Variants in PTGR1 observed in about 807,000 individuals in gnomAD.
PTGR1 encodes 15-oxoprostaglandin 13-reductase.
Under a neutral mutation model 37.7 loss-of-function variants are expected in PTGR1, and 23 were observed. The ratio of observed to expected loss-of-function variants is 0.61; its 90% CI spans 0.44 to 0.86. The LOEUF is 0.86. Ranked by LOEUF, PTGR1 falls within the 40% of genes least tolerant of loss-of-function variation. The pLI, the probability that PTGR1 is intolerant of heterozygous loss-of-function variation, is 0.00. For missense variants in PTGR1, 351 were observed against 394.3 expected (o/e 0.89, Z 0.93); for synonymous variants, 134 against 140.0 (o/e 0.96, Z 0.30).
At position 111,585,983 on chromosome 9, in the gene PTGR1, A is replaced by G; in HGVS notation, c.377+15T>C. On this transcript the variant is annotated intron_variant, in intron 5 of 9. Coordinates refer to ENST00000407693, the MANE Select transcript of PTGR1 (RefSeq NM_001146108.2). ...TCAGACATTCAAACAAATGGAATAT[A>G]TCCATGAAACTCACCCTGGCATGCC... is the stretch of plus-strand genomic sequence containing the variant. The G allele has an allele frequency of 6.2e-7, 1 of 1,613,622 alleles. No homozygotes were observed. The highest frequency in any genetic ancestry group is 8.5e-7 in the Non-Finnish European group (1 of 1,179,624).
chr9:111,579,096 C>T (rs17320055), intron 6 of PTGR1, 145 bp from the exon 7 acceptor site: 217,681 of 712,778 alleles, frequency 0.31, 36,157 homozygotes, highest in Non-Finnish European at 0.34. Context: ...CATAATGGGC[C>T]AACAGATCCC....
rs1437150328 is a variant in PTGR1, at chr9:111,563,058, A to C, written c.*63T>G. ...ATTTAAGGTAGTATACATTTTTGCT[A>C]AATGGTGAAAAACAAATTAACTAAT... On this transcript the variant is annotated 3_prime_UTR_variant, in exon 10 of 10. Coordinates refer to ENST00000407693, the MANE Select transcript of PTGR1 (RefSeq NM_001146108.2). 6.3e-7 allele frequency: 1 copy of C among 1,582,182 alleles called. No homozygotes were observed. The highest frequency in any genetic ancestry group is 8.6e-7 in the Non-Finnish European group (1 of 1,165,034).
intron 2 of PTGR1, among the ~76,000 whole-genome samples, chr9:111,594,973 GC>G (rs1183716129): frequency 6.7e-6 from 1 of 149,002 alleles, no homozygotes; most frequent in Non-Finnish European, 1.5e-5. Flanking sequence ...TCATGCCTCA[GC>G]CTCCTGAGTA....
chr9:111,551,371 C>A (rs548339398), intron 9 of PTGR1, among the ~76,000 whole-genome samples: 1 of 146,768 alleles, frequency 6.8e-6, no homozygotes, highest in Non-Finnish European at 1.5e-5. Flanking sequence ...ACTTAATTTT[C>A]CAATAACTGA....
chr9:111,563,181 T>C lies in PTGR1; in HGVS notation c.930A>G (p.Pro310=). Residue 310 remains proline, a synonymous_variant, in exon 10 of 10, where the codon CCA becomes CCG. Transcript: ENST00000407693. ...EYIIEGFENM[P]AAFMGMLKGD... ...CTTTCAGCATTCCCATAAATGCAGC[T>C]GGCATGTTTTCAAATCCTTCAATGA... 1 of 1,614,016 alleles carries C rather than the reference T, an allele frequency of 6.2e-7. No individual in the cohort carries two copies. The highest frequency in any genetic ancestry group is 8.5e-7 in the Non-Finnish European group (1 of 1,179,926).
At chr9:111,570,253 T>C (rs758091833) in intron 8 of PTGR1, 44 bp from the exon 9 acceptor site, 8 of 1,584,656 alleles carry the variant, frequency 5.0e-6, no homozygotes, top group Non-Finnish European at 6.9e-6. Context: ...TCCAGGGAGG[T>C]GCCCATGGTG....
chr9:111,566,471 G>C (rs1828567253), intron 9 of PTGR1, among the ~76,000 whole-genome samples: 1 of 152,212 alleles, frequency 6.6e-6, no homozygotes, highest in Non-Finnish European at 1.5e-5. Flanking sequence ...ATTGGGAAAT[G>C]ATCATTGGCC....
chr9:111,588,696 T>G (rs774715509), intron 4 of PTGR1, among the ~76,000 whole-genome samples: 4 of 152,126 alleles, frequency 2.6e-5, no homozygotes, highest in African/African-American at 2.4e-5. Context: ...TGGCTAATTT[T>G]TGTATTTTTA....
intron 7 of PTGR1, among the ~76,000 whole-genome samples, chr9:111,575,616 T>G (rs940858393): frequency 3.9e-5 from 6 of 152,252 alleles, no homozygotes; most frequent in Non-Finnish European, 5.9e-5. Flanking sequence ...TCAATTGGTT[T>G]TCTACAGAAG....
chr9:111,576,241 C>A (rs1589305783), intron 7 of PTGR1: 1 of 886,152 alleles, frequency 1.1e-6, no homozygotes, highest in Non-Finnish European at 1.7e-6. Flanking sequence ...AAAATATTTG[C>A]AAGCCATATA....
chr9:111,564,294 TA>T, intron 9 of PTGR1: 1 of 608,706 alleles, frequency 1.6e-6, no homozygotes, highest in Non-Finnish European at 2.2e-6. Context: ...TTATTATTAT[TA>T]TTATTATTAT....
intron 9 of PTGR1, among the ~76,000 whole-genome samples, chr9:111,551,403 T>G (rs1055410942): frequency 1.5e-4 from 7 of 46,838 alleles, no homozygotes; most frequent in African/African-American, 5.7e-4. Flanking sequence ...AGTTTTTGTT[T>G]TTTTTTTTTT....
chr9:111,588,687 G>A (rs1242682048), intron 4 of PTGR1, among the ~76,000 whole-genome samples: 1 of 151,908 alleles, frequency 6.6e-6, no homozygotes, highest in Non-Finnish European at 1.5e-5. Context: ...CACCACGCCT[G>A]GCTAATTTTT....
intron 4 of PTGR1, among the ~76,000 whole-genome samples, chr9:111,591,751 ATTTTG>A (rs946188298): frequency 2.1e-4 from 32 of 152,300 alleles, no homozygotes; most frequent in African/African-American, 7.2e-4. Context: ...TAAGATAAAA[ATTTTG>A]TTTTATTTGA....
chr9:111,576,078 T>C lies in PTGR1; in HGVS notation c.652-1236A>G, dbSNP rs555139875. 3.3e-5 allele frequency among the ~76,000 whole-genome samples: 5 copies of C among 152,018 alleles called. No homozygotes were observed. In the East Asian group the frequency reaches 7.7e-4, roughly 24 times the overall value. ...GGGAGGCTGAGGCAGGAGGTTGGCTTGAACCTGGGAGGTCAAGGCTGCAGT... is the reference window on the plus strand; with the variant it reads ...GGGAGGCTGAGGCAGGAGGTTGGCTCGAACCTGGGAGGTCAAGGCTGCAGT... On this transcript the variant is annotated intron_variant, in intron 7 of 9. Coordinates refer to ENST00000407693, the MANE Select transcript of PTGR1 (RefSeq NM_001146108.2).
At chr9:111,587,545 G>A (rs1216847081) in intron 4 of PTGR1, among the ~76,000 whole-genome samples, 5 of 152,072 alleles carry the variant, frequency 3.3e-5, no homozygotes, top group African/African-American at 1.2e-4. Flanking sequence ...TCTGACTCCC[G>A]GGTTCAAGCA....
intron 5 of PTGR1, among the ~76,000 whole-genome samples, chr9:111,584,790 C>T (rs1398658678): frequency 6.6e-6 from 1 of 152,100 alleles, no homozygotes; most frequent in African/African-American, 2.4e-5. Flanking sequence ...TCCCTTGGAG[C>T]TTTGCAACAA....
chr9:111,594,189 C>T, intron 3 of PTGR1, 33 bp downstream of exon 3: 1 of 1,582,766 alleles, frequency 6.3e-7, no homozygotes, highest in Non-Finnish European at 8.7e-7. Flanking sequence ...TTTAACACAG[C>T]ATTAGCATTT....
chr9:111,551,503 G>T (rs1223871646), intron 9 of PTGR1, among the ~76,000 whole-genome samples: 3 of 141,014 alleles, frequency 2.1e-5, no homozygotes, highest in Non-Finnish European at 4.5e-5. Flanking sequence ...CGCCTCCTGG[G>T]TTCCAGCAAT....
Sources: allele counts gnomAD v4.1 joint callset (sites outside exome capture counted in the v4.1 genomes callset), GRCh38; gene constraint gnomAD v4.1.1; transcripts MANE v1.5; gene names NCBI Gene and HGNC (gene_info 2026-07-23, HGNC 2026-07-21).